Variants in RALGAPA2 observed in about 807,000 individuals in gnomAD.
RALGAPA2 encodes the protein ral GTPase-activating protein subunit alpha-2.
A neutral mutation model predicts 230.4 loss-of-function variants in RALGAPA2; 139 were observed. That is an observed-to-expected ratio of 0.60 (90% CI 0.53 to 0.69). The LOEUF is 0.69. Ranked by LOEUF, RALGAPA2 falls within the 30% of genes least tolerant of loss-of-function variation. RALGAPA2 has a pLI of 0.00. For missense variants in RALGAPA2, 2,163 were observed against 2,276.0 expected (o/e 0.95, Z 1.01); for synonymous variants, 847 against 837.8 (o/e 1.01, Z -0.19).
intron 10 of RALGAPA2, among the ~76,000 whole-genome samples, chr20:20,622,696 T>C (rs1015223193): frequency 6.6e-6 from 1 of 152,104 alleles, no homozygotes; most frequent in Non-Finnish European, 1.5e-5. Flanking sequence ...TTAAAACTTA[T>C]CCTTTAGATA....
Position 20,503,503 on chromosome 20 carries a change from C to A in RALGAPA2, c.5056G>T (p.Asp1686Tyr). 6.4e-7 allele frequency: 1 copy of A among 1,560,252 alleles called. No homozygotes were observed. The highest frequency in any genetic ancestry group is 8.7e-7 in the Non-Finnish European group (1 of 1,153,980). Residue 1686 changes from aspartate (D) to tyrosine (Y), a missense_variant, in exon 35 of 40, where the codon GAT becomes TAT. Asp to Tyr is a radical substitution (Grantham distance 160). Transcript: ENST00000202677. ...DFVAGLGWEVDLSTHCGFMGG... is the reference protein window; with the variant it reads ...DFVAGLGWEVYLSTHCGFMGG... ...ATGAACCCACAGTGGGTGGAGAGAT[C>A]CACCTGACAAAGGTCACAAAGAAGA...
At chr20:20,444,675 A>C (rs2060819333) in intron 37 of RALGAPA2, among the ~76,000 whole-genome samples, 1 of 152,170 alleles carries the variant, frequency 6.6e-6, no homozygotes, top group Non-Finnish European at 1.5e-5. Context: ...TGATTGAGCC[A>C]ATTTACATTC....
chr20:20,677,402 G>A (rs1371176408), intron 2 of RALGAPA2, among the ~76,000 whole-genome samples: 2 of 152,108 alleles, frequency 1.3e-5, no homozygotes, highest in African/African-American at 4.8e-5. Flanking sequence ...TCCAGGCAGA[G>A]GAACTGAACA....
intron 36 of RALGAPA2, among the ~76,000 whole-genome samples, chr20:20,484,886 T>G (rs2061868448): frequency 1.3e-5 from 2 of 152,154 alleles, no homozygotes; most frequent in Admixed American, 1.3e-4. Context: ...GGCCAGCACT[T>G]TATCCCTACT....
chr20:20,607,759 G>A (rs1366081767), intron 14 of RALGAPA2, among the ~76,000 whole-genome samples: 1 of 152,168 alleles, frequency 6.6e-6, no homozygotes, highest in African/African-American at 2.4e-5. Context: ...TCTTATAATG[G>A]CTTCACTTTA....
intron 19 of RALGAPA2, among the ~76,000 whole-genome samples, chr20:20,584,323 C>T (rs1406455716): frequency 6.6e-6 from 1 of 152,162 alleles, no homozygotes; most frequent in Non-Finnish European, 1.5e-5. Flanking sequence ...ATTTTTCTCT[C>T]CGGTCTATCT....
intron 26 of RALGAPA2, among the ~76,000 whole-genome samples, chr20:20,532,089 G>C (rs1218226616): frequency 6.6e-6 from 1 of 151,996 alleles, no homozygotes; most frequent in African/African-American, 2.4e-5. Context: ...GAAACTAATA[G>C]GTTATTACAT....
Position 20,512,870 on chromosome 20 carries a change from T to C in RALGAPA2, c.4499A>G (p.His1500Arg), listed in dbSNP as rs142558157. 1,040 of 1,613,810 alleles carry C rather than the reference T, an allele frequency of 6.4e-4. 8 individuals are homozygous for C. The African/African-American group carries it at 0.012, about 19-fold the overall frequency. ...RNPSFLISSW[H>R]RDTFGPQKDS... ...TTTCTGAGGTCCAAATGTGTCACGA[T>C]GCCAGCTCGAAATCAGAAATGAAGG... The change falls in exon 32 of 40, where the codon CAT becomes CGT. Residue 1500 changes from histidine (H) to arginine (R), a missense_variant. Physicochemically the swap from His to Arg is conservative, Grantham distance 29. Coordinates refer to ENST00000202677, the MANE Select transcript of RALGAPA2 (RefSeq NM_020343.4).
intron 37 of RALGAPA2, among the ~76,000 whole-genome samples, chr20:20,455,054 G>A (rs932105302): frequency 6.6e-6 from 1 of 152,172 alleles, no homozygotes; most frequent in African/African-American, 2.4e-5. Flanking sequence ...CCTGAATCAA[G>A]TTTCAGAGGA....
intron 35 of RALGAPA2, among the ~76,000 whole-genome samples, chr20:20,495,977 C>T (rs912563613): frequency 3.9e-5 from 6 of 152,080 alleles, no homozygotes; most frequent in Admixed American, 2.0e-4. Flanking sequence ...AAGAAATGGG[C>T]GCTCAGGAAG....
At chr20:20,415,019 G>A (rs981989449) in intron 37 of RALGAPA2, among the ~76,000 whole-genome samples, 10 of 152,216 alleles carry the variant, frequency 6.6e-5, no homozygotes, top group South Asian at 2.1e-4. Context: ...CTCTGGCAGC[G>A]TTTAGAAACA....
intron 23 of RALGAPA2, among the ~76,000 whole-genome samples, chr20:20,561,165 C>T (rs2064246543): frequency 6.6e-6 from 1 of 152,178 alleles, no homozygotes; most frequent in Non-Finnish European, 1.5e-5. Flanking sequence ...TATCACCTGC[C>T]ATATTTGAAC....
intron 20 of RALGAPA2, among the ~76,000 whole-genome samples, chr20:20,578,053 C>T (rs1023897147): frequency 6.6e-6 from 1 of 152,256 alleles, no homozygotes; most frequent in Admixed American, 6.5e-5. Context: ...CTGCTTTACA[C>T]TCAGAAAAAT....
intron 1 of RALGAPA2, among the ~76,000 whole-genome samples, chr20:20,695,513 T>C (rs548281587): frequency 2.2e-4 from 33 of 152,358 alleles, no homozygotes; most frequent in African/African-American, 7.0e-4. Flanking sequence ...CCTTTCCTTG[T>C]TGTGCTTAAA....
intron 37 of RALGAPA2, among the ~76,000 whole-genome samples, chr20:20,465,191 ACACACACT>A (rs1268497228): frequency 2.0e-5 from 3 of 147,608 alleles, no homozygotes; most frequent in Non-Finnish European, 4.4e-5. Flanking sequence ...ACACACACAC[ACACACACT>A]CTCTCATACT....
intron 37 of RALGAPA2, among the ~76,000 whole-genome samples, chr20:20,445,855 A>T (rs1191080220): frequency 6.6e-6 from 1 of 152,244 alleles, no homozygotes; most frequent in Non-Finnish European, 1.5e-5. Context: ...AAGAAGCTGT[A>T]AGATTTGAAC....
At chr20:20,621,481 T>C (rs1236346794) in intron 10 of RALGAPA2, among the ~76,000 whole-genome samples, 4 of 151,932 alleles carry the variant, frequency 2.6e-5, no homozygotes, top group African/African-American at 9.7e-5. Context: ...TTTCCTTTTC[T>C]TTGCTTTTGT....
chr20:20,391,720 C>T lies in RALGAPA2; in HGVS notation c.*1569G>A, dbSNP rs1282165316. On this transcript the variant is annotated 3_prime_UTR_variant, in exon 40 of 40. Coordinates refer to ENST00000202677, the MANE Select transcript of RALGAPA2 (RefSeq NM_020343.4). ...ATGGGGTGAGAGCCTCAGAAGGCTT[C>T]TTCAGGCCTGGGTGGCCAAGCAGCC... 6.6e-6 allele frequency: 1 copy of T among 152,344 alleles called. No homozygotes were observed. The allele number at this position is 152,344 out of a possible 1,614,324, so 9.4% of individuals were successfully genotyped here.
chr20:20,705,485 G>A (rs181591811), intron 1 of RALGAPA2, among the ~76,000 whole-genome samples: 152 of 152,180 alleles, frequency 1.0e-3, no homozygotes, highest in Admixed American at 1.2e-3. Flanking sequence ...TTACAGCCAT[G>A]AGCAATTGCA....
Sources: allele counts gnomAD v4.1 joint callset (sites outside exome capture counted in the v4.1 genomes callset), GRCh38; gene constraint gnomAD v4.1.1; transcripts MANE v1.5; gene names NCBI Gene and HGNC (gene_info 2026-07-23, HGNC 2026-07-21).